ARMC1: variants seen among roughly 807,000 people sequenced by gnomAD.
The protein encoded by ARMC1 is armadillo repeat containing 1, also known as armadillo repeat-containing protein 1.
A neutral mutation model predicts 31.4 loss-of-function variants in ARMC1; 16 were observed. That is an observed-to-expected ratio of 0.51 (90% confidence interval 0.34 to 0.77). ARMC1 has a LOEUF of 0.77. Among genes scored for constraint, ARMC1 ranks in the 30% least tolerant of loss-of-function variants. The pLI, the probability that ARMC1 is intolerant of heterozygous loss-of-function variation, is 0.01. For missense variants in ARMC1, 259 were observed against 347.5 expected, an observed-to-expected ratio of 0.75 and a Z score of 2.02; for synonymous variants, 114 against 118.9, an observed-to-expected ratio of 0.96 and a Z score of 0.27.
chr8:65,619,948 C>T (rs909647700), intron 3 of ARMC1, among the ~76,000 whole-genome samples: 1 of 148,970 alleles, frequency 6.7e-6, no homozygotes, highest in Non-Finnish European at 1.5e-5. Flanking sequence ...CGCGCCATTG[C>T]ACTCCAGCCT....
At chr8:65,617,459 A>G (rs1808296225) in intron 3 of ARMC1, among the ~76,000 whole-genome samples, 1 of 152,088 alleles carries the variant, frequency 6.6e-6, no homozygotes, top group Non-Finnish European at 1.5e-5. Context: ...CCTAATCTCA[A>G]GTACCCATGG....
intron 2 of ARMC1, among the ~76,000 whole-genome samples, chr8:65,626,433 A>G (rs1808512838): frequency 9.1e-6 from 1 of 110,388 alleles, no homozygotes; most frequent in African/African-American, 3.7e-5. Flanking sequence ...GCTACATCCT[A>G]TCTCTACTAA....
In ARMC1 at chr8:65,604,599, T is replaced by G. The variant is rs765104254; in HGVS notation, c.658-14A>C. The G allele has an allele frequency of 1.2e-6, 2 of 1,606,124 alleles. No homozygotes were observed. On this transcript the variant is annotated splice_polypyrimidine_tract_variant and intron_variant, in intron 6 of 6. Coordinates refer to ENST00000276569, the MANE Select transcript of ARMC1 (RefSeq NM_018120.6). ...TGGGACCAACATCTGATACAGAAAA[T>G]ATTGAGAGTTATTACAAAATCAACT...
chr8:65,633,867 C>T (rs577887691), intron 1 of ARMC1, 131 bp downstream of exon 1: 1 of 152,432 alleles, frequency 6.6e-6, no homozygotes, highest in East Asian at 1.9e-4. Context: ...CTCACTGGGA[C>T]CCACTACTGG....
At chr8:65,622,076 C>T (rs1808405477) in intron 3 of ARMC1, among the ~76,000 whole-genome samples, 187 bp downstream of exon 3, 1 of 152,084 alleles carries the variant, frequency 6.6e-6, no homozygotes, top group African/African-American at 2.4e-5. Flanking sequence ...TGATTAAAAA[C>T]AGTTAACTAC....
chr8:65,614,153 CAACT>C (rs1230939500), intron 3 of ARMC1, among the ~76,000 whole-genome samples: 1 of 152,152 alleles, frequency 6.6e-6, no homozygotes, highest in East Asian at 1.9e-4. Flanking sequence ...TTCATACTAT[CAACT>C]AATTTCAAGA....
intron 1 of ARMC1, among the ~76,000 whole-genome samples, chr8:65,632,658 C>T (rs974313855): frequency 2.6e-5 from 4 of 151,824 alleles, no homozygotes; most frequent in African/African-American, 9.7e-5. Flanking sequence ...TACAAGACGC[C>T]GGGCACAGTG....
intron 2 of ARMC1, 55 bp downstream of exon 2, chr8:65,627,161 T>G: frequency 4.0e-6 from 6 of 1,483,486 alleles, no homozygotes; most frequent in Non-Finnish European, 5.4e-6. Flanking sequence ...TTTTCCAAAT[T>G]CTCACCTTAA....
intron 2 of ARMC1, among the ~76,000 whole-genome samples, chr8:65,623,786 C>CTTTTTTT (rs201008780): frequency 0.026 from 685 of 26,024 alleles, 126 homozygotes; most frequent in East Asian, 0.094. Flanking sequence ...AAAGTAAAAT[C>CTTTTTTT]TTTTTTTTTT....
intron 2 of ARMC1, among the ~76,000 whole-genome samples, chr8:65,626,195 T>A (rs755280125): frequency 2.6e-5 from 4 of 152,082 alleles, no homozygotes; most frequent in South Asian, 2.1e-4. Flanking sequence ...CTGGCCCTAT[T>A]TATATGCAAA....
At position 65,604,001 on chromosome 8, in the gene ARMC1, T is replaced by G. The variant is rs942573645; in HGVS notation, c.*393A>C. ...AATATTCAGTAATTCATGCACAACT[T>G]GAGCTACAAGAAAACTTCTCTTCAG... On this transcript the variant is annotated 3_prime_UTR_variant, in exon 7 of 7. Transcript: ENST00000276569. 2 of 161,022 alleles carry G rather than the reference T, an allele frequency of 1.2e-5. No individual in the cohort carries two copies. Among genetic ancestry groups the G allele is most frequent in the African/African-American group, 4.8e-5 (2 of 41,598 alleles). The allele number at this position is 161,022 out of a possible 1,614,324, so 10.0% of individuals were successfully genotyped here. A position where few individuals can be genotyped will look rare whatever the true frequency, so the allele number is the denominator to read the frequency against.
chr8:65,618,931 T>C (rs868404963), intron 3 of ARMC1, among the ~76,000 whole-genome samples: 1 of 151,950 alleles, frequency 6.6e-6, no homozygotes, highest in Non-Finnish European at 1.5e-5. Flanking sequence ...TGGTCCCAGA[T>C]TCTTGGGAGA....
rs904497337 is a variant in ARMC1 at position 65,603,578 on chromosome 8, T to C, written c.*816A>G. 14 of 152,200 alleles carry C rather than the reference T, an allele frequency of 9.2e-5. No homozygotes were observed. The highest frequency in any genetic ancestry group is 2.6e-4 in the Admixed American group (4 of 15,274). The allele number at this position is 152,200 out of a possible 1,614,324, so 9.4% of individuals were successfully genotyped here. A position where few individuals can be genotyped will look rare whatever the true frequency, so the allele number is the denominator to read the frequency against. ...TAACGTATAATCACAAAGTAAGGCC[T>C]AGAGACCATTTATAGTTGTTTGCAA... is the stretch of plus-strand genomic sequence containing the variant. On this transcript the variant is annotated 3_prime_UTR_variant, in exon 7 of 7. Coordinates refer to ENST00000276569, the MANE Select transcript of ARMC1 (RefSeq NM_018120.6).
In ARMC1 at chr8:65,603,774, T is replaced by G. The variant is rs1327717436; in HGVS notation, c.*620A>C. 2 of 152,496 alleles carry G rather than the reference T, an allele frequency of 1.3e-5. No individual in the cohort carries two copies. The highest frequency in any genetic ancestry group is 2.9e-5 in the Non-Finnish European group (2 of 68,038). The allele number at this position is 152,496 out of a possible 1,614,324, so 9.4% of individuals were successfully genotyped here. Reference sequence around the variant, plus strand: ...TTATCAAAATTATAATGAATAAGGCTGCAAAATTTTTGTAGAGTTGTTTTT... The same window carrying G: ...TTATCAAAATTATAATGAATAAGGCGGCAAAATTTTTGTAGAGTTGTTTTT... On this transcript the variant is annotated 3_prime_UTR_variant, in exon 7 of 7. Transcript: ENST00000276569.
At chr8:65,611,470 T>G (rs1211010009) in intron 4 of ARMC1, among the ~76,000 whole-genome samples, 1 of 134,112 alleles carries the variant, frequency 7.5e-6, no homozygotes, top group African/African-American at 2.7e-5. Flanking sequence ...TTTGTTCTTC[T>G]TTTTCTAGTT....
rs576550718 is a variant in ARMC1, at chr8:65,610,201, G to A, written c.465+3043C>T. Among the ~76,000 whole-genome samples the A allele has an allele frequency of 6.6e-4, 100 of 152,096 alleles. No individual in the cohort carries two copies. The South Asian group carries it at 0.019, about 29-fold the overall frequency. ...CAACCTCCACCTCCCAGGTTCAAGC[G>A]ATTCTCCTGACTCAACCTCCTGAGT... On this transcript the variant is annotated intron_variant, in intron 4 of 6. Transcript: ENST00000276569.
rs1209486350 is a variant in ARMC1 at position 65,627,438 on chromosome 8, A to C, written c.-35-5T>G. The C allele has an allele frequency of 1.3e-6, 2 of 1,490,998 alleles. No homozygotes were observed. The highest frequency in any genetic ancestry group is 2.7e-5 in the South Asian group (2 of 72,874). The allele number at this position is 1,490,998 out of a possible 1,614,324, so 92.4% of individuals were successfully genotyped here. On this transcript the variant is annotated splice_region_variant and splice_polypyrimidine_tract_variant and intron_variant, in intron 1 of 6. Coordinates refer to ENST00000276569, the MANE Select transcript of ARMC1 (RefSeq NM_018120.6). ...ACATGAATAAAATCTTAAATTCTGT[A>C]GAAAAGGTTTGCAGAATTAGTTCTA...
In ARMC1 at chr8:65,613,313, T is replaced by A. The variant is rs11559265; in HGVS notation, c.396A>T (p.Gln132His). Residue 132 changes from glutamine (Q) to histidine (H), a missense_variant, in exon 4 of 7, where the codon CAA becomes CAT. Coordinates refer to ENST00000276569, the MANE Select transcript of ARMC1 (RefSeq NM_018120.6). The part of the protein sequence containing the change: ...NEMNSRRRKA[Q>H]FFLGTTNKRA... ...GTTTGTTTGTAGTTCCCAGAAAAAA[T>A]TGAGCTTTCCTTCGACGTGAATTCA... 44 of 1,612,082 alleles carry A rather than the reference T, an allele frequency of 2.7e-5. No individual in the cohort carries two copies. The African/African-American group carries it at 5.2e-4, about 19-fold the overall frequency.
At chr8:65,631,641 C>G (rs187727589) in intron 1 of ARMC1, among the ~76,000 whole-genome samples, 1 of 152,170 alleles carries the variant, frequency 6.6e-6, no homozygotes, top group African/African-American at 2.4e-5. Context: ...AACAGATAAA[C>G]GAAAGTTACA....
Sources: allele counts gnomAD v4.1 joint callset (sites outside exome capture counted in the v4.1 genomes callset), GRCh38; gene constraint gnomAD v4.1.1; transcripts MANE v1.5; gene names NCBI Gene and HGNC (gene_info 2026-07-23, HGNC 2026-07-21).